SGCD: variants seen among roughly 807,000 people sequenced by gnomAD.
The protein encoded by SGCD is delta-sarcoglycan.
Under a neutral mutation model 36.6 loss-of-function variants are expected in SGCD, and 18 were observed. The observed-to-expected ratio is 0.49, with a 90% CI of 0.34 to 0.73. The LOEUF is 0.73. Ranked by LOEUF, SGCD falls within the 30% of genes least tolerant of loss-of-function variation. SGCD has a pLI of 0.01. For synonymous variants in SGCD, 133 were observed against 130.6 expected, an observed-to-expected ratio of 1.02 and a Z score of -0.12; for missense variants, 387 against 346.7, an observed-to-expected ratio of 1.12 and a Z score of -0.92.
At chr5:156,606,660 T>C (rs901838778) in intron 6 of SGCD, among the ~76,000 whole-genome samples, 2 of 152,258 alleles carry the variant, frequency 1.3e-5, no homozygotes, top group African/African-American at 4.8e-5. Flanking sequence ...TCCATGATAC[T>C]GATTCTTCCT....
chr5:156,150,144 C>T (rs1393170834), intron 3 of SGCD, among the ~76,000 whole-genome samples: 1 of 152,154 alleles, frequency 6.6e-6, no homozygotes, highest in Non-Finnish European at 1.5e-5. Context: ...GTCTTCAGGG[C>T]TCCCTGCACC....
chr5:156,697,750 C>CGGAT (rs10544582), intron 7 of SGCD, among the ~76,000 whole-genome samples: 17,076 of 149,080 alleles, frequency 0.11, 1,006 homozygotes, highest in Non-Finnish European at 0.13. Context: ...GATGGACGGA[C>CGGAT]GGATGGATGG....
intron 7 of SGCD, among the ~76,000 whole-genome samples, chr5:156,694,439 T>G (rs1432528996): frequency 6.6e-6 from 1 of 152,254 alleles, no homozygotes; most frequent in African/African-American, 2.4e-5. Flanking sequence ...ATTGTCTGTC[T>G]GTATAGTGCT....
intron 1 of SGCD, among the ~76,000 whole-genome samples, chr5:155,959,980 C>G (rs1312941976): frequency 6.6e-6 from 1 of 152,006 alleles, no homozygotes; most frequent in Admixed American, 6.6e-5. Context: ...TTGTCCTAAC[C>G]CCAGGGCTAG....
At chr5:156,530,610 T>G (rs1053441557) in intron 4 of SGCD, among the ~76,000 whole-genome samples, 4 of 151,450 alleles carry the variant, frequency 2.6e-5, no homozygotes, top group African/African-American at 9.7e-5. Context: ...GATGGAGTGT[T>G]GCTCTGTTGC....
At chr5:156,715,695 A>G (rs1755190074) in intron 7 of SGCD, among the ~76,000 whole-genome samples, 1 of 152,226 alleles carries the variant, frequency 6.6e-6, no homozygotes, top group South Asian at 2.1e-4. Context: ...CAGTCTGGTT[A>G]ATTAACCTGC....
At chr5:156,496,452 T>A (rs950490023) in intron 3 of SGCD, among the ~76,000 whole-genome samples, 6 of 152,074 alleles carry the variant, frequency 3.9e-5, no homozygotes, top group Non-Finnish European at 8.8e-5. Flanking sequence ...TATCTAGGGT[T>A]TGTTAACTTT....
intron 4 of SGCD, among the ~76,000 whole-genome samples, chr5:156,519,650 C>T (rs546688011): frequency 6.6e-6 from 1 of 152,286 alleles, no homozygotes; most frequent in South Asian, 2.1e-4. Flanking sequence ...TTCAGCAGCA[C>T]ATCCAAAAGC....
chr5:155,742,841 A>C, the SGCD span, among the ~76,000 whole-genome samples: 2 of 152,218 alleles, frequency 1.3e-5, no homozygotes, highest in Admixed American at 6.5e-5. Context: ...AACCAGCTAT[A>C]GATTGGGTTT....
At chr5:156,433,631 A>G (rs1343764644) in intron 3 of SGCD, among the ~76,000 whole-genome samples, 4 of 152,218 alleles carry the variant, frequency 2.6e-5, no homozygotes, top group Non-Finnish European at 4.4e-5. Flanking sequence ...CATTTTGAAC[A>G]GCTAAAAGGG....
At chr5:156,228,452 A>T (rs1310667426) in intron 3 of SGCD, among the ~76,000 whole-genome samples, 2 of 152,192 alleles carry the variant, frequency 1.3e-5, no homozygotes, top group African/African-American at 4.8e-5. Context: ...TAATGTAAGA[A>T]TAGCTACCCC....
intron 3 of SGCD, among the ~76,000 whole-genome samples, chr5:156,473,874 A>G (rs1755072682): frequency 6.6e-6 from 1 of 152,108 alleles, no homozygotes; most frequent in Admixed American, 6.6e-5. Flanking sequence ...TGAGTGCTGT[A>G]TGTGTCAAGA....
intron 3 of SGCD, chr5:156,393,885 T>C (rs2127757132): frequency 2.2e-5 from 10 of 452,656 alleles, no homozygotes; most frequent in South Asian, 1.1e-4. Flanking sequence ...GTACTGTGGG[T>C]ATGCCACTTA....
chr5:156,229,249 T>TATAC (rs1190651502), intron 3 of SGCD, among the ~76,000 whole-genome samples: 1,305 of 105,724 alleles, frequency 0.012, 21 homozygotes, highest in Non-Finnish European at 0.021. Context: ...CATATATATA[T>TATAC]ATACATACAT....
chr5:156,288,585 A>C (rs142713799), intron 3 of SGCD, among the ~76,000 whole-genome samples: 1 of 152,306 alleles, frequency 6.6e-6, no homozygotes, highest in African/African-American at 2.4e-5. Context: ...CAGTGAAAAA[A>C]TAATACAATG....
Position 156,476,368 on chromosome 5 carries a change from G to A in SGCD, c.193-32233G>A, listed in dbSNP as rs151083041. ...TGACTGTGCATAAGTGAGAGCGGCC[G>A]AAGTGGAAGCAGAATTAATTTGACA... On this transcript the variant is annotated intron_variant, in intron 3 of 8. Coordinates refer to ENST00000337851, the MANE Select transcript of SGCD (RefSeq NM_000337.6). 7.6e-3 allele frequency among the ~76,000 whole-genome samples: 1,165 copies of A among 152,318 alleles called. 13 individuals are homozygous for A. The highest frequency in any genetic ancestry group is 0.025 in the African/African-American group (1,060 of 41,572).
intron 1 of SGCD, among the ~76,000 whole-genome samples, chr5:155,969,829 A>T (rs1008656022): frequency 1.1e-4 from 17 of 152,090 alleles, no homozygotes; most frequent in Non-Finnish European, 1.5e-5. Flanking sequence ...GTTCACTGTC[A>T]TCCATGGTCC....
chr5:155,814,846 A>G, the SGCD span, among the ~76,000 whole-genome samples: 1 of 152,224 alleles, frequency 6.6e-6, no homozygotes, highest in Non-Finnish European at 1.5e-5. Context: ...TTTCAACAAA[A>G]GTCAAAACAG....
At position 156,538,558 on chromosome 5, in the gene SGCD, A is replaced by T. The variant is rs573026701; in HGVS notation, c.294+29856A>T. 7.2e-5 allele frequency among the ~76,000 whole-genome samples: 11 copies of T among 152,018 alleles called. No individual in the cohort carries two copies. The South Asian group carries it at 1.9e-3, about 26-fold the overall frequency. Reference sequence around the variant, plus strand: ...GGTATTTAGCAAGTTTGTAGACTTAATTTTTTTGGACTTAATGCAAATTAA... The same window carrying T: ...GGTATTTAGCAAGTTTGTAGACTTATTTTTTTTGGACTTAATGCAAATTAA... On this transcript the variant is annotated intron_variant, in intron 4 of 8. Coordinates refer to ENST00000337851, the MANE Select transcript of SGCD (RefSeq NM_000337.6).
Sources: gnomAD v4.1 joint callset for allele counts (sites outside exome capture counted in the v4.1 genomes callset) on GRCh38, gnomAD v4.1.1 for gene constraint, MANE v1.5 for transcripts, NCBI Gene and HGNC (gene_info 2026-07-23, HGNC 2026-07-21) for gene names.